The following CR1 variants were observed in gnomAD, a reference collection of about 807,000 sequenced individuals.
CR1 encodes the protein complement C3b/C4b receptor 1 (Knops blood group).
In CR1, 116 loss-of-function variants were observed where a neutral mutation model predicts 187.3. The ratio of observed to expected loss-of-function variants is 0.62; its 90% CI spans 0.53 to 0.72. The LOEUF is 0.72. CR1 is among the 30% of genes least tolerant of loss of function. CR1 has a pLI of 0.00. For synonymous variants in CR1, 576 were observed against 747.1 expected (o/e 0.77, Z 3.73); for missense variants, 1,731 against 2,110.7 (o/e 0.82, Z 3.52).
At chr1:207,593,668 A>G (rs988468494) in intron 35 of CR1, among the ~76,000 whole-genome samples, 2 of 152,254 alleles carry the variant, frequency 1.3e-5, no homozygotes, top group Non-Finnish European at 2.9e-5. Flanking sequence ...CAGAGTGAAC[A>G]GACAACCTAC....
chr1:207,607,241 T>G lies in CR1; in HGVS notation c.5811-10T>G. 6.2e-7 allele frequency: 1 copy of G among 1,607,240 alleles called. No homozygotes were observed. Among genetic ancestry groups the G allele is most frequent in the Non-Finnish European group, 8.5e-7 (1 of 1,173,836 alleles). Reference sequence around the variant, plus strand: ...TGTAGCGTATAACCATTTTCTATCCTTTGCTTTAGGTTTCGACTCATTGGT... The same window carrying G: ...TGTAGCGTATAACCATTTTCTATCCGTTGCTTTAGGTTTCGACTCATTGGT... On this transcript the variant is annotated splice_polypyrimidine_tract_variant and intron_variant, in intron 35 of 46. Transcript: ENST00000367049.
chr1:207,579,749 G>T (rs1660879042), intron 29 of CR1, among the ~76,000 whole-genome samples: 1 of 152,174 alleles, frequency 6.6e-6, no homozygotes, highest in Non-Finnish European at 1.5e-5. Context: ...CTGTGAGTTA[G>T]CCCTGCTCTG....
intron 3 of CR1, among the ~76,000 whole-genome samples, chr1:207,508,822 T>G (rs753038637): frequency 2.0e-5 from 3 of 152,154 alleles, no homozygotes; most frequent in Non-Finnish European, 4.4e-5. Flanking sequence ...TTCCTTGGAA[T>G]GTAGCAATCT....
rs1659423155 is a variant in CR1 at position 207,506,088 on chromosome 1, G to A, written c.301+5G>A. Reference sequence around the variant, plus strand: ...GTGCTAAGGACAGGTGCAGACGTAAGTAACTCTGGAGTGGGAACCCCCCTG... The same window carrying A: ...GTGCTAAGGACAGGTGCAGACGTAAATAACTCTGGAGTGGGAACCCCCCTG... On this transcript the variant is annotated splice_donor_5th_base_variant and intron_variant, in intron 2 of 46. Transcript: ENST00000367049. The A allele has an allele frequency of 6.2e-7, 1 of 1,612,160 alleles. No homozygotes were observed. The highest frequency in any genetic ancestry group is 1.7e-5 in the Admixed American group (1 of 59,654).
Position 207,496,314 on chromosome 1 carries a change from C to A in CR1, c.47C>A (p.Ala16Glu), listed in dbSNP as rs774774612. Residue 16 changes from alanine (A) to glutamate (E), a missense_variant, in exon 1 of 47, where the codon GCG (alanine) becomes GAG (glutamate). By Grantham distance (107) the Ala-to-Glu change is moderately radical. Transcript: ENST00000367049. The part of the protein sequence containing the change: ...PRSPEPVGPP[A>E]PGLPFCCGGS... ...AGCCCGGAGCCTGTCGGGCCGCCGG[C>A]GCCCGGTCTCCCCTTCTGCTGCGGA... 6 of 1,613,644 alleles carry A rather than the reference C, an allele frequency of 3.7e-6. No individual in the cohort carries two copies. In the Admixed American group the frequency reaches 1.0e-4, roughly 27 times the overall value.
intron 31 of CR1, among the ~76,000 whole-genome samples, chr1:207,580,996 T>C (rs1012869715): frequency 6.6e-6 from 1 of 152,142 alleles, no homozygotes; most frequent in African/African-American, 2.4e-5. Flanking sequence ...ATTTGATTTC[T>C]CACTTATAGA....
intron 4 of CR1, among the ~76,000 whole-genome samples, chr1:207,512,579 C>A (rs1279433922): frequency 4.6e-5 from 7 of 152,144 alleles, no homozygotes; most frequent in Non-Finnish European, 8.8e-5. Flanking sequence ...CTTTACTTTT[C>A]TTCTTGGTAT....
At chr1:207,514,485 A>T (rs1659722429) in intron 4 of CR1, among the ~76,000 whole-genome samples, 1 of 152,148 alleles carries the variant, frequency 6.6e-6, no homozygotes, top group African/African-American at 2.4e-5. Flanking sequence ...TAGCGTCCTA[A>T]TAAAAGAGGC....
At position 207,501,383 on chromosome 1, in the gene CR1, A is replaced by G. The variant is rs566409590; in HGVS notation, c.122-4521A>G. On this transcript the variant is annotated intron_variant, in intron 1 of 46. Coordinates refer to ENST00000367049, the MANE Select transcript of CR1 (RefSeq NM_000651.6). ...ATCGAATTGTACACTTCAAATACTC[A>G]TCAATCATTGTATGTAATATATCTT... Among the ~76,000 whole-genome samples the G allele has an allele frequency of 5.5e-4, 84 of 152,370 alleles. 2 individuals are homozygous for G. The South Asian group carries it at 0.017, about 31-fold the overall frequency.
chr1:207,641,299 T>G lies in CR1; in HGVS notation c.*1890T>G, dbSNP rs1466552545. 6.6e-6 allele frequency: 1 copy of G among 151,568 alleles called. No individual in the cohort carries two copies. Among genetic ancestry groups the G allele is most frequent in the Non-Finnish European group, 1.5e-5 (1 of 67,888 alleles). 9.4% of individuals were successfully genotyped at this position (151,568 alleles called of 1,614,324 possible). A position where few individuals can be genotyped will look rare whatever the true frequency, so the allele number is the denominator to read the frequency against. On this transcript the variant is annotated 3_prime_UTR_variant, in exon 47 of 47. Transcript: ENST00000367049. ...GTTCTTTTTTTTTTCCAGAATGGAG[T>G]AGGTCAGTGAGCAATGTGATTAATA... is the stretch of plus-strand genomic sequence containing the variant.
chr1:207,500,399 C>A (rs754286300), intron 1 of CR1, among the ~76,000 whole-genome samples: 1 of 152,042 alleles, frequency 6.6e-6, no homozygotes, highest in Non-Finnish European at 1.5e-5. Flanking sequence ...GGTAAGTATG[C>A]AGAATGGAAA....
In CR1 at chr1:207,611,940, G is replaced by A. The variant is rs1379163840; in HGVS notation, c.6474G>A (p.Val2158=). 3.5e-5 allele frequency: 56 copies of A among 1,613,860 alleles called. No individual in the cohort carries two copies. Among genetic ancestry groups the A allele is most frequent in the Non-Finnish European group, 4.2e-5 (49 of 1,179,892 alleles). The change falls in exon 39 of 47, where the codon GTG becomes GTA. Residue 2158 remains valine (V), a splice_region_variant and synonymous_variant. Transcript: ENST00000367049. ...CTGTTGTTTTATTTTTTCTTCTAGT[G>A]AAATCCTGTGATGACTTCCTGGGCC... ...DWSPEAPRCT[V]KSCDDFLGQL...
rs770754228 is a variant in CR1 at position 207,580,305 on chromosome 1, C to T, written c.5002C>T (p.Pro1668Ser). The T allele has an allele frequency of 7.4e-6, 12 of 1,613,862 alleles. No individual in the cohort carries two copies. The highest frequency in any genetic ancestry group is 1.0e-5 in the Non-Finnish European group (12 of 1,179,858). ...HTPSHQDNFS[P>S]GQEVFYSCEP... is the part of the protein sequence containing the mutation. ...CCCAAGCCATCAGGACAACTTTTCA[C>T]CTGGGCAGGAAGTGTTCTACAGCTG... Residue 1668 changes from proline to serine, a missense_variant, in exon 30 of 47, where the codon CCT (proline) becomes TCT (serine). Physicochemically the swap from Pro to Ser is moderately conservative, Grantham distance 74. Around this residue, in one of 5 missense-constraint regions of CR1, gnomAD observed 1,312 missense variants for 1,379.6 expected, o/e 0.95. Transcript: ENST00000367049.
intron 45 of CR1, among the ~76,000 whole-genome samples, chr1:207,623,590 ACACACACACACACACAC>A (rs1662386136): frequency 8.4e-4 from 1 of 1,192 alleles, no homozygotes; most frequent in Non-Finnish European, 1.2e-3. Context: ...ATCTCAAAAC[ACACACACACACACACAC>A]ACACACACAC....
intron 41 of CR1, among the ~76,000 whole-genome samples, chr1:207,617,600 TATATATATATATAGAGAG>T (rs1182884497): frequency 1.8e-3 from 60 of 33,000 alleles, no homozygotes; most frequent in Non-Finnish European, 2.2e-3. Context: ...TATATATATA[TATATATATATATAGAGAG>T]AGAGAGAGAG....
intron 35 of CR1, among the ~76,000 whole-genome samples, chr1:207,598,049 T>A (rs192158354): frequency 4.6e-5 from 7 of 152,266 alleles, no homozygotes; most frequent in African/African-American, 1.7e-4. Context: ...ATAAGAAAAT[T>A]TATTGGACTA....
At chr1:207,622,048 T>C in intron 44 of CR1, 52 bp downstream of exon 44, 3 of 1,400,434 alleles carry the variant, frequency 2.1e-6, no homozygotes, top group Non-Finnish European at 3.0e-6. Context: ...TAACAGTAAG[T>C]ACCTACCTAT....
In CR1 at chr1:207,609,291, C is replaced by A. The variant is rs1571589911; in HGVS notation, c.5898C>A (p.Ile1966=). ...TWDKKAPICE[I]ISCEPPPTIS... ...TTACCATACTCTTCCTTCTCTCAGTCATATCTTGTGAGCCACCTCCAACCA... is the reference window on the plus strand; with the variant it reads ...TTACCATACTCTTCCTTCTCTCAGTAATATCTTGTGAGCCACCTCCAACCA... The change falls in exon 37 of 47, where the codon ATC becomes ATA. Residue 1966 remains isoleucine (I), a splice_region_variant and synonymous_variant. Coordinates refer to ENST00000367049, the MANE Select transcript of CR1 (RefSeq NM_000651.6). 4.4e-6 allele frequency: 7 copies of A among 1,602,434 alleles called. No homozygotes were observed. The highest frequency in any genetic ancestry group is 3.3e-5 in the South Asian group (3 of 89,780).
At position 207,609,606 on chromosome 1, in the gene CR1, C is replaced by T. The variant is rs779838106; in HGVS notation, c.6213C>T (p.Pro2071=). The part of the protein sequence containing the change: ...LTEIIRFRCQ[P]GFVMVGSHTV... ...AGATCATCAGATTTAGATGTCAGCC[C>T]GGGTTTGTCATGGTAGGGTCCCACA... is the stretch of plus-strand genomic sequence containing the variant. The change falls in exon 37 of 47, where the codon CCC becomes CCT. Residue 2071 remains proline, a synonymous_variant. Coordinates refer to ENST00000367049, the MANE Select transcript of CR1 (RefSeq NM_000651.6). The T allele has an allele frequency of 5.6e-6, 9 of 1,612,400 alleles. No homozygotes were observed. The highest frequency in any genetic ancestry group is 4.5e-5 in the East Asian group (2 of 44,858).
Sources: gnomAD v4.1 joint callset for allele counts (sites outside exome capture counted in the v4.1 genomes callset) on GRCh38, gnomAD v4.1.1 for gene constraint, gnomAD v4.1.1 regional missense constraint, MANE v1.5 for transcripts, NCBI Gene and HGNC (gene_info 2026-07-23, HGNC 2026-07-21) for gene names.